The following PDZRN4 variants were observed in gnomAD, a reference collection of about 807,000 sequenced individuals.
PDZRN4 encodes the protein PDZ domain-containing RING finger protein 4.
A neutral mutation model predicts 99.0 loss-of-function variants in PDZRN4; 70 were observed. The observed-to-expected ratio is 0.71, with a 90% CI of 0.58 to 0.86. The LOEUF (loss-of-function observed/expected upper bound fraction) is 0.86, where lower values mean the gene tolerates loss of function less well. Among genes scored for constraint, PDZRN4 ranks in the 40% least tolerant of loss-of-function variants. The pLI is 0.00. For synonymous variants in PDZRN4, 551 were observed against 501.6 expected (o/e 1.10, Z -1.32); for missense variants, 1,474 against 1,331.2 (o/e 1.11, Z -1.67).
intron 3 of PDZRN4, among the ~76,000 whole-genome samples, chr12:41,396,576 C>T (rs1244370999): frequency 6.6e-6 from 1 of 152,150 alleles, no homozygotes; most frequent in Non-Finnish European, 1.5e-5. Context: ...ACAAAACTGG[C>T]TGTTTCAGGC....
chr12:41,561,531 T>C (rs1939269458), intron 7 of PDZRN4, among the ~76,000 whole-genome samples: 1 of 149,732 alleles, frequency 6.7e-6, no homozygotes, highest in African/African-American at 2.4e-5. Context: ...AGATTAATGG[T>C]AAGTGCAATT....
chr12:41,404,744 T>TAA (rs35907714), intron 3 of PDZRN4, among the ~76,000 whole-genome samples: 267 of 145,562 alleles, frequency 1.8e-3, no homozygotes, highest in South Asian at 0.01. Flanking sequence ...CAAGCTATAC[T>TAA]AAAAAAAAAA....
At chr12:41,553,695 A>T (rs1423963143) in intron 6 of PDZRN4, among the ~76,000 whole-genome samples, 2 of 152,092 alleles carry the variant, frequency 1.3e-5, no homozygotes, top group Non-Finnish European at 2.9e-5. Flanking sequence ...ACAGAATGAG[A>T]CCCTGTCTCT....
intron 3 of PDZRN4, among the ~76,000 whole-genome samples, chr12:41,296,869 G>A (rs1412616094): frequency 1.3e-5 from 2 of 151,948 alleles, no homozygotes; most frequent in Non-Finnish European, 2.9e-5. Flanking sequence ...GAGGTGGGAG[G>A]ATCACTTGAG....
chr12:41,545,509 ATGTGTGTGTGTGTGTG>A (rs61040270), intron 5 of PDZRN4, among the ~76,000 whole-genome samples: 22 of 143,098 alleles, frequency 1.5e-4, no homozygotes, highest in Admixed American at 3.5e-4. Flanking sequence ...GATGATATTA[ATGTGTGTGTGTGTGTG>A]TGTGTGTGTG....
At chr12:41,455,406 G>A (rs1952809948) in intron 3 of PDZRN4, among the ~76,000 whole-genome samples, 1 of 151,976 alleles carries the variant, frequency 6.6e-6, no homozygotes, top group African/African-American at 2.4e-5. Context: ...CTGAAATCTA[G>A]GTCATTGTAT....
intron 3 of PDZRN4, among the ~76,000 whole-genome samples, chr12:41,472,295 G>T (rs1053757019): frequency 6.6e-6 from 1 of 152,110 alleles, no homozygotes; most frequent in Non-Finnish European, 1.5e-5. Flanking sequence ...GAGCCACGGC[G>T]CCTGGCCCTG....
chr12:41,348,466 G>T lies in PDZRN4; in HGVS notation c.843+154278G>T, dbSNP rs1387329290. 3.3e-5 allele frequency among the ~76,000 whole-genome samples: 5 copies of T among 152,188 alleles called. No homozygotes were observed. The East Asian group carries it at 9.6e-4, about 29-fold the overall frequency. On this transcript the variant is annotated intron_variant, in intron 3 of 9. Coordinates refer to ENST00000402685, the MANE Select transcript of PDZRN4 (RefSeq NM_001164595.2). Reference sequence around the variant, plus strand: ...AAGGCAGTGGCACCAAACTGTGCTAGTAGTCATATGTTCTTACTACTACAG... The same window carrying T: ...AAGGCAGTGGCACCAAACTGTGCTATTAGTCATATGTTCTTACTACTACAG...
At chr12:41,510,814 ATCT>A (rs1457499889) in intron 5 of PDZRN4, among the ~76,000 whole-genome samples, 8 of 152,116 alleles carry the variant, frequency 5.3e-5, no homozygotes, top group Non-Finnish European at 1.0e-4. Flanking sequence ...TTTGTTTGAA[ATCT>A]TCTCCCCACA....
At chr12:41,347,782 A>G (rs1951865449) in intron 3 of PDZRN4, among the ~76,000 whole-genome samples, 1 of 152,182 alleles carries the variant, frequency 6.6e-6, no homozygotes, top group Non-Finnish European at 1.5e-5. Context: ...TTCAGCTTTT[A>G]AATTCAAACA....
intron 3 of PDZRN4, among the ~76,000 whole-genome samples, chr12:41,250,179 A>AT (rs1255907337): frequency 6.6e-6 from 1 of 152,118 alleles, no homozygotes; most frequent in South Asian, 2.1e-4. Flanking sequence ...TCAAAGTATT[A>AT]TTTTTTTGTA....
intron 3 of PDZRN4, among the ~76,000 whole-genome samples, chr12:41,411,067 A>ATATATATATATATATAT (rs34064559): frequency 1.5e-3 from 205 of 140,390 alleles, no homozygotes; most frequent in African/African-American, 5.3e-3. Context: ...ATATATATAT[A>ATATATATATATATATAT]TTTTTTTTTT....
chr12:41,403,163 T>G (rs1952316123), intron 3 of PDZRN4, among the ~76,000 whole-genome samples: 1 of 152,118 alleles, frequency 6.6e-6, no homozygotes, highest in African/African-American at 2.4e-5. Context: ...TCCAGCGATG[T>G]GATGAGAACT....
intron 3 of PDZRN4, among the ~76,000 whole-genome samples, chr12:41,494,555 G>A (rs17129395): frequency 0.022 from 3,344 of 152,028 alleles, 121 homozygotes; most frequent in African/African-American, 0.078. Context: ...ATAGAAAATA[G>A]CATCAGTTGC....
intron 3 of PDZRN4, among the ~76,000 whole-genome samples, chr12:41,389,751 C>T (rs978576456): frequency 5.3e-5 from 8 of 152,198 alleles, no homozygotes; most frequent in Admixed American, 1.3e-4. Context: ...ATTCTTAACC[C>T]TCCAGCTCTC....
chr12:41,251,836 C>T (rs967451853), intron 3 of PDZRN4, among the ~76,000 whole-genome samples: 17 of 152,206 alleles, frequency 1.1e-4, no homozygotes, highest in Admixed American at 2.6e-4. Flanking sequence ...TAAAATAAGG[C>T]GAGGCATGGT....
At chr12:41,234,246 C>T (rs1951050675) in intron 3 of PDZRN4, among the ~76,000 whole-genome samples, 1 of 152,032 alleles carries the variant, frequency 6.6e-6, no homozygotes, top group Non-Finnish European at 1.5e-5. Context: ...ACCTTCAAAA[C>T]ATGTACATAA....
At chr12:41,257,710 C>T (rs1356098042) in intron 3 of PDZRN4, among the ~76,000 whole-genome samples, 1 of 152,144 alleles carries the variant, frequency 6.6e-6, no homozygotes, top group Non-Finnish European at 1.5e-5. Context: ...GAGATTGGGT[C>T]TTTCAATTGT....
chr12:41,400,109 G>T (rs189665567), intron 3 of PDZRN4, among the ~76,000 whole-genome samples: 1 of 152,116 alleles, frequency 6.6e-6, no homozygotes, highest in East Asian at 1.9e-4. Flanking sequence ...GATAACTCAG[G>T]TGCTGGTTGC....
Sources: gnomAD v4.1 joint callset for allele counts (sites outside exome capture counted in the v4.1 genomes callset) on GRCh38, gnomAD v4.1.1 for gene constraint, MANE v1.5 for transcripts, NCBI Gene and HGNC (gene_info 2026-07-23, HGNC 2026-07-21) for gene names.